ADGRV1: variants seen among roughly 807,000 people sequenced by gnomAD.
ADGRV1 encodes adhesion G protein-coupled receptor V1.
Under a neutral mutation model 596.2 loss-of-function variants are expected in ADGRV1, and 359 were observed. The observed-to-expected ratio is 0.60, with a 90% CI of 0.55 to 0.66. ADGRV1 has a LOEUF of 0.66. Among genes scored for constraint, ADGRV1 ranks in the 30% least tolerant of loss-of-function variants. ADGRV1 has a pLI of 0.00. For synonymous variants in ADGRV1, 2,681 were observed against 2,679.2 expected (o/e 1.00, Z -0.02); for missense variants, 7,274 against 7,575.6 (o/e 0.96, Z 1.48).
At chr5:90,751,456 G>GGGT (rs1169687696) in intron 53 of ADGRV1, among the ~76,000 whole-genome samples, 1 of 152,114 alleles carries the variant, frequency 6.6e-6, no homozygotes, top group Non-Finnish European at 1.5e-5. Context: ...GCCGAGGGAT[G>GGGT]GGTACATCAG....
At chr5:90,933,509 G>A (rs985993871) in intron 83 of ADGRV1, among the ~76,000 whole-genome samples, 8 of 152,118 alleles carry the variant, frequency 5.3e-5, no homozygotes, top group Non-Finnish European at 1.0e-4. Flanking sequence ...GAATGTGAGG[G>A]GGAGTGGTGG....
At chr5:90,570,680 C>G (rs1756404170) in intron 1 of ADGRV1, among the ~76,000 whole-genome samples, 1 of 151,600 alleles carries the variant, frequency 6.6e-6, no homozygotes, top group Admixed American at 6.6e-5. Flanking sequence ...TTCACTGATT[C>G]ACTCTTCTGG....
chr5:90,670,532 G>C (rs1482023051), intron 21 of ADGRV1, among the ~76,000 whole-genome samples: 1 of 152,050 alleles, frequency 6.6e-6, no homozygotes, highest in East Asian at 1.9e-4. Flanking sequence ...AGTATGAGGG[G>C]GTGTTTCCCA....
intron 89 of ADGRV1, among the ~76,000 whole-genome samples, chr5:91,159,408 A>G (rs1796753655): frequency 6.6e-6 from 1 of 152,238 alleles, no homozygotes; most frequent in Non-Finnish European, 1.5e-5. Context: ...AAAGGCAAGT[A>G]TATTAAAATT....
At chr5:90,913,969 C>T (rs934094489) in intron 83 of ADGRV1, among the ~76,000 whole-genome samples, 1 of 152,104 alleles carries the variant, frequency 6.6e-6, no homozygotes, top group East Asian at 1.9e-4. Flanking sequence ...ACTTAATAAG[C>T]CCCTCTTAGC....
chr5:90,614,802 T>C, intron 1 of ADGRV1, 33 bp from the exon 2 acceptor site: 1 of 1,423,246 alleles, frequency 7.0e-7, no homozygotes, highest in Non-Finnish European at 9.8e-7. Context: ...TTAGATATAT[T>C]TTGTGAATAA....
In ADGRV1 at chr5:90,704,407, T is replaced by C. The variant is rs1014301214; in HGVS notation, c.8305T>C (p.Leu2769=). 7 of 1,575,398 alleles carry C rather than the reference T, an allele frequency of 4.4e-6. No homozygotes were observed. In the African/African-American group the frequency reaches 5.4e-5, roughly 12 times the overall value. The change falls in exon 36 of 90, where the codon TTG becomes CTG. Residue 2769 remains leucine (L), a synonymous_variant. Transcript: ENST00000405460. ...FFPEGSLNTT[L]FVHLLDDNIP... The stretch of plus-strand genomic sequence containing the variant: ...GACATAGGGGTCGTTGAATACAACA[T>C]TGTTTGTGCATTTGTTGGATGACAA...
intron 9 of ADGRV1, among the ~76,000 whole-genome samples, chr5:90,631,900 T>C (rs529293778): frequency 2.6e-5 from 4 of 152,288 alleles, no homozygotes; most frequent in African/African-American, 9.6e-5. Flanking sequence ...TACAAAAACA[T>C]GACATAATTT....
chr5:90,855,664 T>G, intron 81 of ADGRV1, 77 bp from the exon 82 acceptor site: 1 of 954,908 alleles, frequency 1.0e-6, no homozygotes, highest in Non-Finnish European at 1.6e-6. Context: ...TTCAGTAAGC[T>G]ATTTTTCTTT....
Position 91,096,545 on chromosome 5 carries a change from CT to C in ADGRV1, c.18311-5670del, listed in dbSNP as rs137883012. On this transcript the variant is annotated intron_variant, in intron 86 of 89. Transcript: ENST00000405460. ...CAGAAGTAATTTCTTTCACTAAAAC[CT>C]TTTCAAACTATTTTGGTTTTCACAT... Among the ~76,000 whole-genome samples, 390 of 152,150 alleles carry C rather than the reference CT, an allele frequency of 2.6e-3. 2 individuals are homozygous for C. The highest frequency in any genetic ancestry group is 9.1e-3 in the African/African-American group (376 of 41,516).
rs1229629207 is a variant in ADGRV1, at chr5:91,135,168, G to A, written c.18433-14862G>A. On this transcript the variant is annotated intron_variant, in intron 87 of 89. Transcript: ENST00000405460. Reference sequence around the variant, plus strand: ...CACTCCAGCCTGGGAGACAGAGTGAGACTCCATCTCAAAAAAAAAAAAAAA... The same window carrying A: ...CACTCCAGCCTGGGAGACAGAGTGAAACTCCATCTCAAAAAAAAAAAAAAA... Among the ~76,000 whole-genome samples, 3 of 139,142 alleles carry A rather than the reference G, an allele frequency of 2.2e-5. No individual in the cohort carries two copies. The East Asian group carries it at 6.1e-4, about 28-fold the overall frequency. 91.3% of individuals were successfully genotyped at this position (139,142 alleles called of 152,430 possible).
chr5:90,962,826 G>A (rs568464532), intron 83 of ADGRV1, among the ~76,000 whole-genome samples: 4 of 152,260 alleles, frequency 2.6e-5, no homozygotes, highest in African/African-American at 7.2e-5. Flanking sequence ...GGAGATTAGA[G>A]TGTAATAAAA....
intron 50 of ADGRV1, among the ~76,000 whole-genome samples, chr5:90,741,377 A>ATCAT (rs35457455): frequency 0.75 from 113,925 of 151,710 alleles, 43,226 homozygotes; most frequent in African/African-American, 0.84. Context: ...TGAGTGACTT[A>ATCAT]TCATTCAACA....
intron 65 of ADGRV1, 98 bp from the exon 66 acceptor site, chr5:90,783,026 T>TTG (rs1424395333): frequency 1.1e-6 from 1 of 907,580 alleles, no homozygotes; most frequent in Admixed American, 1.9e-5. Context: ...AGTGCTTACT[T>TTG]TGTGCCATTA....
intron 88 of ADGRV1, 106 bp from the exon 89 acceptor site, chr5:91,153,115 G>T (rs576968879): frequency 2.4e-6 from 2 of 839,514 alleles, no homozygotes; most frequent in Non-Finnish European, 3.7e-6. Flanking sequence ...CGTTTAGCAA[G>T]GTCTTTGTAC....
chr5:90,691,781 T>C (rs1746515120), intron 31 of ADGRV1, among the ~76,000 whole-genome samples: 1 of 152,196 alleles, frequency 6.6e-6, no homozygotes, highest in South Asian at 2.1e-4. Context: ...CATTCATTCA[T>C]TCATTCATTC....
chr5:90,624,014 C>T (rs1024808212), intron 5 of ADGRV1, among the ~76,000 whole-genome samples: 1 of 152,152 alleles, frequency 6.6e-6, no homozygotes, highest in Non-Finnish European at 1.5e-5. Context: ...TTAGCAATTT[C>T]AGATACCAGT....
At chr5:90,690,206 T>C in intron 30 of ADGRV1, 130 bp downstream of exon 30, 1 of 620,092 alleles carries the variant, frequency 1.6e-6, no homozygotes, top group Non-Finnish European at 2.8e-6. Flanking sequence ...TACTGACATA[T>C]AGGACATCTG....
intron 87 of ADGRV1, among the ~76,000 whole-genome samples, chr5:91,141,437 A>G (rs1251847373): frequency 6.6e-6 from 1 of 152,238 alleles, no homozygotes; most frequent in Non-Finnish European, 1.5e-5. Flanking sequence ...GTACTAACCT[A>G]TAGCTATCAA....
Sources: gnomAD v4.1 joint callset for allele counts (sites outside exome capture counted in the v4.1 genomes callset) on GRCh38, gnomAD v4.1.1 for gene constraint, MANE v1.5 for transcripts, NCBI Gene and HGNC (gene_info 2026-07-23, HGNC 2026-07-21) for gene names.